ZBBX: variants seen among roughly 807,000 people sequenced by gnomAD.
The protein encoded by ZBBX is zinc finger B-box domain-containing protein 1.
In ZBBX, 101 loss-of-function variants were observed where a neutral mutation model predicts 108.5. That is an observed-to-expected ratio of 0.93 (90% CI 0.79 to 1.10). The LOEUF (loss-of-function observed/expected upper bound fraction) is 1.10, where lower values mean the gene tolerates loss of function less well. ZBBX is among the 50% of genes least tolerant of loss of function. The probability of loss-of-function intolerance (pLI) is 0.00; values close to 1 mark genes in which losing one functional copy is unlikely to be tolerated. For synonymous variants in ZBBX, 356 were observed against 323.4 expected, an observed-to-expected ratio of 1.10 and a Z score of -1.08; for missense variants, 1,009 against 941.4, an observed-to-expected ratio of 1.07 and a Z score of -0.94.
At chr3:167,348,356 G>GAAAGAA (rs143492697) in intron 9 of ZBBX, among the ~76,000 whole-genome samples, 7,779 of 114,924 alleles carry the variant, frequency 0.068, 395 homozygotes, top group East Asian at 0.11. Flanking sequence ...AAGAAAGAAA[G>GAAAGAA]AAAGAAAGAA....
chr3:167,200,394 T>C, the ZBBX span, among the ~76,000 whole-genome samples: 2,028 of 152,310 alleles, frequency 0.013, 22 homozygotes, highest in South Asian at 0.026. Context: ...TAAAGCTTTC[T>C]GCTAGAGGGC....
rs566606480 is a variant in ZBBX, at chr3:167,389,074, T to C, written c.-445-8669A>G. ...TTGCTGCACCTTTCAACCCACCATCTAGGTTTTAAGCCCCACATGCCTTAG... is the reference window on the plus strand; with the variant it reads ...TTGCTGCACCTTTCAACCCACCATCCAGGTTTTAAGCCCCACATGCCTTAG... On this transcript the variant is annotated intron_variant, in intron 1 of 21. Coordinates refer to the ZBBX transcript ENST00000455345. Among the ~76,000 whole-genome samples, 35 of 152,090 alleles carry C rather than the reference T, an allele frequency of 2.3e-4. No individual in the cohort carries two copies. In the South Asian group the frequency reaches 6.6e-3, roughly 29 times the overall value.
intron 16 of ZBBX, among the ~76,000 whole-genome samples, chr3:167,307,410 C>T (rs561109896): frequency 6.6e-6 from 1 of 152,236 alleles, no homozygotes; most frequent in Admixed American, 6.5e-5. Context: ...AAGCTGATAA[C>T]TTTGGCAAAG....
intron 11 of ZBBX, among the ~76,000 whole-genome samples, chr3:167,326,537 A>T (rs1396797005): frequency 6.6e-6 from 1 of 152,110 alleles, no homozygotes; most frequent in Non-Finnish European, 1.5e-5. Context: ...AACTTGGTAC[A>T]GTATTATTTT....
chr3:167,315,379 G>A (rs900456325), intron 15 of ZBBX, among the ~76,000 whole-genome samples: 1 of 151,832 alleles, frequency 6.6e-6, no homozygotes, highest in African/African-American at 2.4e-5. Flanking sequence ...TTTTTATTTA[G>A]GGTTCATAGA....
intron 9 of ZBBX, among the ~76,000 whole-genome samples, chr3:167,349,245 A>G (rs1364397899): frequency 6.6e-6 from 1 of 152,102 alleles, no homozygotes; most frequent in Non-Finnish European, 1.5e-5. Context: ...CTCATCTGTG[A>G]TAATTTTGTT....
chr3:167,279,201 T>A (rs891064612), intron 20 of ZBBX, among the ~76,000 whole-genome samples: 1 of 151,586 alleles, frequency 6.6e-6, no homozygotes, highest in Non-Finnish European at 1.5e-5. Context: ...AAGACAGGGA[T>A]TCTGTCACCA....
rs1439470004 is a variant in ZBBX, at chr3:167,317,505, T to C, written c.1076A>G (p.Asn359Ser). 1 of 1,608,528 alleles carries C rather than the reference T, an allele frequency of 6.2e-7. No homozygotes were observed. Residue 359 changes from asparagine to serine, a missense_variant, in exon 13 of 22, where the codon AAC (asparagine) becomes AGC (serine). Physicochemically the swap from Asn to Ser is conservative, Grantham distance 46. Coordinates refer to ENST00000675490, the MANE Select transcript of ZBBX (RefSeq NM_001199201.2). ...GAACTAACCATCACTATCTTCATCG[T>C]TTTCATTTTGAGAACACTGTGCATC... ...TGDAQCSQNE[N>S]DEDSDGEETK... is the part of the protein sequence containing the mutation.
intron 1 of ZBBX, among the ~76,000 whole-genome samples, chr3:167,406,412 T>C (rs1252631410): frequency 6.6e-6 from 1 of 152,132 alleles, no homozygotes; most frequent in African/African-American, 2.4e-5. Context: ...TAGAGAAATC[T>C]AAATCACAGT....
intron 11 of ZBBX, among the ~76,000 whole-genome samples, chr3:167,327,259 T>TA (rs11310792): frequency 8.6e-5 from 13 of 150,714 alleles, no homozygotes; most frequent in East Asian, 3.9e-4. Context: ...TCAAATATTC[T>TA]AAAAAAAAAA....
At chr3:167,243,932 A>AAG (rs1721128562) in intron 20 of ZBBX, among the ~76,000 whole-genome samples, 1 of 152,042 alleles carries the variant, frequency 6.6e-6, no homozygotes, top group East Asian at 1.9e-4. Context: ...ATGCATGGGT[A>AAG]CGTTCAATAA....
chr3:167,232,145 A>T, the ZBBX span, among the ~76,000 whole-genome samples: 1 of 151,854 alleles, frequency 6.6e-6, no homozygotes, highest in East Asian at 1.9e-4. Context: ...ATGAAAAATT[A>T]AAATTGAGAC....
chr3:167,304,307 T>G (rs1308547375), intron 17 of ZBBX, among the ~76,000 whole-genome samples: 1 of 152,168 alleles, frequency 6.6e-6, no homozygotes, highest in East Asian at 1.9e-4. Flanking sequence ...GATTCCTCAC[T>G]TATTACACAG....
chr3:167,283,774 C>G (rs1217900449), intron 19 of ZBBX, among the ~76,000 whole-genome samples: 1 of 152,130 alleles, frequency 6.6e-6, no homozygotes, highest in African/African-American at 2.4e-5. Context: ...GGCTCCCAAG[C>G]TGGGATTACA....
intron 5 of ZBBX, chr3:167,366,967 T>C (rs1490441869): frequency 2.2e-6 from 1 of 455,256 alleles, no homozygotes; most frequent in Admixed American, 2.4e-5. Context: ...AAACCAATGC[T>C]CTATTAGAGG....
chr3:167,310,321 T>G (rs1276190706), intron 16 of ZBBX, among the ~76,000 whole-genome samples: 2 of 152,196 alleles, frequency 1.3e-5, no homozygotes, highest in Non-Finnish European at 2.9e-5. Context: ...TTCTGAGCCC[T>G]CCAAACTGTT....
intron 4 of ZBBX, among the ~76,000 whole-genome samples, chr3:167,370,555 G>A (rs775215859): frequency 2.0e-5 from 3 of 152,120 alleles, no homozygotes; most frequent in East Asian, 1.9e-4. Flanking sequence ...GACTTCTGAC[G>A]TTTTTGAAGT....
chr3:167,381,160 C>T (rs143010540), upstream of ZBBX, among the ~76,000 whole-genome samples: 509 of 151,856 alleles, frequency 3.4e-3, 2 homozygotes, highest in African/African-American at 0.012. Context: ...ACTATGCCTG[C>T]CAATACCCAT....
intron 20 of ZBBX, among the ~76,000 whole-genome samples, chr3:167,273,292 T>C (rs1726869618): frequency 6.6e-6 from 1 of 152,180 alleles, no homozygotes; most frequent in African/African-American, 2.4e-5. Flanking sequence ...ATAAAAGCAA[T>C]TGTTATGCTC....
Sources: gnomAD v4.1 joint callset for allele counts (sites outside exome capture counted in the v4.1 genomes callset) on GRCh38, gnomAD v4.1.1 for gene constraint, MANE v1.5 for transcripts, NCBI Gene and HGNC (gene_info 2026-07-23, HGNC 2026-07-21) for gene names.